Variants in SSBP3 observed in about 807,000 individuals in gnomAD.
SSBP3 encodes the protein single-stranded DNA-binding protein 3.
A neutral mutation model predicts 69.6 loss-of-function variants in SSBP3; 5 were observed. That is an observed-to-expected ratio of 0.07 (90% CI 0.04 to 0.15). The LOEUF (loss-of-function observed/expected upper bound fraction) is 0.15, where lower values mean the gene tolerates loss of function less well. Among genes scored for constraint, SSBP3 ranks in the 10% least tolerant of loss-of-function variants. The probability of loss-of-function intolerance (pLI) is 1.00; values close to 1 mark genes in which losing one functional copy is unlikely to be tolerated. For synonymous variants in SSBP3, 196 were observed against 193.4 expected (o/e 1.01, Z -0.11); for missense variants, 312 against 534.0 (o/e 0.58, Z 4.10).
chr1:54,228,148 C>T lies in SSBP3; in HGVS notation c.1137+107G>A, dbSNP rs1232798299. The T allele has an allele frequency of 5.8e-6, 6 of 1,027,548 alleles. No homozygotes were observed. The East Asian group carries it at 1.4e-4, about 25-fold the overall frequency. The allele number at this position is 1,027,548 out of a possible 1,614,324, so 63.7% of individuals were successfully genotyped here. A position where few individuals can be genotyped will look rare whatever the true frequency, so the allele number is the denominator to read the frequency against. On this transcript the variant is annotated intron_variant, in intron 17 of 17. Transcript: ENST00000610401. ...TGAGGTGGAAAAACCATAACACGGC[C>T]ACCAGCTTAGCTGGCAGGCTGCAGC...
intron 4 of SSBP3, among the ~76,000 whole-genome samples, chr1:54,289,020 C>CAAAAAAAAAAAA (rs777871964): frequency 4.1e-4 from 18 of 43,854 alleles, no homozygotes; most frequent in African/African-American, 9.2e-4. Context: ...ACTCTGTCTC[C>CAAAAAAAAAAAA]AAAAAAAAAA....
At chr1:54,356,289 G>C (rs1646863612) in intron 4 of SSBP3, 1 of 152,252 alleles carries the variant, frequency 6.6e-6, no homozygotes, top group South Asian at 2.1e-4. Context: ...AGGGGGAGGG[G>C]TGAAAGTCCA....
rs563264648 is a variant in SSBP3, at chr1:54,350,338, T to C, written c.276+51523A>G. Reference sequence around the variant, plus strand: ...GCCCCTGAATGCTTCTTTTTGAAAGTGCGGAACAAGCGCTGTTACTAGGAA... The same window carrying C: ...GCCCCTGAATGCTTCTTTTTGAAAGCGCGGAACAAGCGCTGTTACTAGGAA... On this transcript the variant is annotated intron_variant, in intron 4 of 17. Coordinates refer to ENST00000610401, the Ensembl canonical transcript of SSBP3. Among the ~76,000 whole-genome samples the C allele has an allele frequency of 7.9e-5, 12 of 152,332 alleles. No individual in the cohort carries two copies. In the East Asian group the frequency reaches 2.3e-3, roughly 29 times the overall value.
At chr1:54,323,212 G>GA (rs1204726706) in intron 4 of SSBP3, among the ~76,000 whole-genome samples, 4 of 151,970 alleles carry the variant, frequency 2.6e-5, no homozygotes, top group East Asian at 1.9e-4. Flanking sequence ...AGTGGGGAAA[G>GA]AAAAAAAATT....
chr1:54,299,183 G>A (rs979940848), intron 4 of SSBP3, among the ~76,000 whole-genome samples: 1 of 151,944 alleles, frequency 6.6e-6, no homozygotes, highest in Non-Finnish European at 1.5e-5. Context: ...GAGATGTTAA[G>A]GGGGCACGCC....
intron 5 of SSBP3, among the ~76,000 whole-genome samples, chr1:54,261,614 C>T (rs1645018732): frequency 6.6e-6 from 1 of 152,192 alleles, no homozygotes. Flanking sequence ...TCTGGTGAGG[C>T]TTCCACTTGC....
At chr1:54,371,513 G>A (rs1452406375) in intron 4 of SSBP3, among the ~76,000 whole-genome samples, 2 of 152,200 alleles carry the variant, frequency 1.3e-5, no homozygotes, top group African/African-American at 4.8e-5. Flanking sequence ...AGGAATGGGA[G>A]AGAGACACAC....
chr1:54,257,538 T>TA (rs1644943764), intron 6 of SSBP3, among the ~76,000 whole-genome samples: 2 of 151,994 alleles, frequency 1.3e-5, no homozygotes, highest in Admixed American at 6.6e-5. Flanking sequence ...GAAGGACTGA[T>TA]ACGTAACATC....
intron 5 of SSBP3, among the ~76,000 whole-genome samples, chr1:54,266,675 C>A (rs1342897376): frequency 1.3e-5 from 2 of 152,172 alleles, no homozygotes; most frequent in Non-Finnish European, 1.5e-5. Flanking sequence ...CAAAAGTTGA[C>A]CCCATTTTAC....
intron 4 of SSBP3, among the ~76,000 whole-genome samples, chr1:54,324,799 C>G (rs548063454): frequency 7.2e-5 from 11 of 152,132 alleles, no homozygotes; most frequent in Non-Finnish European, 1.3e-4. Context: ...GTACGCTGGC[C>G]CCTGAGAACA....
chr1:54,327,272 A>G (rs1183249665), intron 4 of SSBP3, among the ~76,000 whole-genome samples: 1 of 114,474 alleles, frequency 8.7e-6, no homozygotes, highest in Non-Finnish European at 1.9e-5. Flanking sequence ...AAGGAAGGAA[A>G]ACAACAACAA....
intron 4 of SSBP3, among the ~76,000 whole-genome samples, chr1:54,384,340 G>T (rs918787874): frequency 6.6e-6 from 1 of 152,226 alleles, no homozygotes; most frequent in Non-Finnish European, 1.5e-5. Flanking sequence ...ACTTGGACTT[G>T]TTCTAAGGGC....
At chr1:54,409,154 C>T (rs1023553387), upstream of SSBP3, among the ~76,000 whole-genome samples, 7 of 152,178 alleles carry the variant, frequency 4.6e-5, no homozygotes, top group Non-Finnish European at 1.5e-5. Context: ...CCCCAGGCCA[C>T]ATCTTTGGGC....
intron 4 of SSBP3, among the ~76,000 whole-genome samples, chr1:54,309,317 C>T (rs542174749): frequency 2.6e-5 from 4 of 152,290 alleles, no homozygotes; most frequent in Non-Finnish European, 4.4e-5. Flanking sequence ...TCCAAGTAGC[C>T]TAATGAGAGC....
At chr1:54,333,256 G>A (rs1569845876) in intron 4 of SSBP3, among the ~76,000 whole-genome samples, 1 of 152,190 alleles carries the variant, frequency 6.6e-6, no homozygotes, top group Non-Finnish European at 1.5e-5. Context: ...TCTCGGGAGA[G>A]AAGATGGTCT....
chr1:54,372,135 A>G (rs1647145508), intron 4 of SSBP3, among the ~76,000 whole-genome samples: 1 of 152,138 alleles, frequency 6.6e-6, no homozygotes, highest in Admixed American at 6.5e-5. Context: ...AGGTTTCCAG[A>G]CTGAGTCCCA....
intron 4 of SSBP3, among the ~76,000 whole-genome samples, chr1:54,368,305 A>G (rs896914985): frequency 8.6e-5 from 13 of 151,728 alleles, no homozygotes; most frequent in East Asian, 1.9e-4. Context: ...AAAAAAAAAA[A>G]AAAGAAAACC....
chr1:54,402,454 G>C (rs1292811499), intron 3 of SSBP3, among the ~76,000 whole-genome samples: 1 of 152,152 alleles, frequency 6.6e-6, no homozygotes, highest in African/African-American at 2.4e-5. Flanking sequence ...CGATTTGGAA[G>C]ACTCTGGCAA....
chr1:54,360,370 G>A (rs767449380), intron 4 of SSBP3, among the ~76,000 whole-genome samples: 1 of 152,160 alleles, frequency 6.6e-6, no homozygotes, highest in African/African-American at 2.4e-5. Flanking sequence ...ACTGGCACAC[G>A]ATAGGCACTC....
Sources: allele counts gnomAD v4.1 joint callset (sites outside exome capture counted in the v4.1 genomes callset), GRCh38; gene constraint gnomAD v4.1.1; transcripts MANE v1.5; gene names NCBI Gene and HGNC (gene_info 2026-07-23, HGNC 2026-07-21).